RYR2: variants seen among roughly 807,000 people sequenced by gnomAD.
The protein encoded by RYR2 is ryanodine receptor 2.
RYR2 carries 227 observed loss-of-function variants against 601.1 expected under a neutral mutation model. The observed-to-expected ratio is 0.38, with a 90% CI of 0.34 to 0.42. The LOEUF (loss-of-function observed/expected upper bound fraction) is 0.42, where lower values mean the gene tolerates loss of function less well. Among genes scored for constraint, RYR2 ranks in the 10% least tolerant of loss-of-function variants. The pLI, the probability that RYR2 is intolerant of heterozygous loss-of-function variation, is 1.00. For synonymous variants in RYR2, 2,223 were observed against 2,175.1 expected (o/e 1.02, Z -0.61); for missense variants, 4,646 against 6,156.5 (o/e 0.75, Z 8.21).
chr1:237,152,932 A>G (rs1212428517), intron 1 of RYR2, among the ~76,000 whole-genome samples: 1 of 152,174 alleles, frequency 6.6e-6, no homozygotes, highest in Non-Finnish European at 1.5e-5. Flanking sequence ...AATATCCAGA[A>G]TTTACAAGGG....
At chr1:237,118,583 A>AT (rs1670401277) in intron 1 of RYR2, among the ~76,000 whole-genome samples, 1 of 151,750 alleles carries the variant, frequency 6.6e-6, no homozygotes, top group Admixed American at 6.6e-5. Flanking sequence ...ATAGGGAGTT[A>AT]TTGTTTGTTT....
chr1:237,348,616 G>A (rs528575191), intron 3 of RYR2, among the ~76,000 whole-genome samples: 44 of 152,258 alleles, frequency 2.9e-4, no homozygotes, highest in African/African-American at 9.1e-4. Context: ...GCTGCCAGCC[G>A]TAGGTACATC....
chr1:237,133,534 T>C (rs1558294813), intron 1 of RYR2, among the ~76,000 whole-genome samples: 3 of 152,166 alleles, frequency 2.0e-5, no homozygotes, highest in African/African-American at 7.2e-5. Flanking sequence ...AATGTCTTTA[T>C]TGTAATTTAT....
chr1:237,546,994 T>TTTATTC (rs1669888105), intron 25 of RYR2, among the ~76,000 whole-genome samples: 1 of 103,852 alleles, frequency 9.6e-6, no homozygotes, highest in African/African-American at 3.4e-5. Context: ...TATATATATA[T>TTTATTC]ATTTATTTAT....
intron 6 of RYR2, among the ~76,000 whole-genome samples, chr1:237,369,829 T>G (rs751109742): frequency 1.9e-4 from 29 of 152,144 alleles, no homozygotes; most frequent in Admixed American, 5.2e-4. Context: ...ATGATTACCA[T>G]CTTCAGTATC....
chr1:237,657,739 A>G (rs1473009212), intron 53 of RYR2, among the ~76,000 whole-genome samples: 1 of 151,918 alleles, frequency 6.6e-6, no homozygotes, highest in Admixed American at 6.6e-5. Flanking sequence ...ATGAATCAAT[A>G]TAAGATGAGC....
At chr1:237,618,038 T>C (rs1678666370) in intron 38 of RYR2, among the ~76,000 whole-genome samples, 2 of 152,012 alleles carry the variant, frequency 1.3e-5, no homozygotes, top group Non-Finnish European at 1.5e-5. Context: ...TACCTCAGAG[T>C]GGGCCTCAGA....
chr1:237,279,057 A>G (rs761035148), intron 2 of RYR2, among the ~76,000 whole-genome samples: 3 of 152,210 alleles, frequency 2.0e-5, no homozygotes, highest in Non-Finnish European at 4.4e-5. Context: ...AATAAATGCT[A>G]TATGTTTTTT....
intron 55 of RYR2, 78 bp from the exon 56 acceptor site, chr1:237,660,732 A>G (rs1683702263): frequency 3.8e-6 from 5 of 1,319,350 alleles, no homozygotes; most frequent in Non-Finnish European, 5.1e-6. Flanking sequence ...AAGGCAGTCT[A>G]TTTTAGAGCA....
At chr1:237,552,539 C>A (rs1000491560) in intron 27 of RYR2, among the ~76,000 whole-genome samples, 2 of 151,958 alleles carry the variant, frequency 1.3e-5, no homozygotes, top group African/African-American at 2.4e-5. Flanking sequence ...GTGTTCCCAA[C>A]AAAGTAACCA....
intron 60 of RYR2, among the ~76,000 whole-genome samples, chr1:237,676,390 A>G (rs903548606): frequency 6.6e-6 from 1 of 152,166 alleles, no homozygotes; most frequent in Non-Finnish European, 1.5e-5. Flanking sequence ...TCCAGGGTAC[A>G]TCTACCCACT....
chr1:237,713,644 G>A (rs889719256), intron 71 of RYR2, among the ~76,000 whole-genome samples: 1 of 152,050 alleles, frequency 6.6e-6, no homozygotes, highest in African/African-American at 2.4e-5. Context: ...TGATCTGACG[G>A]CCTCGGCCTC....
intron 62 of RYR2, among the ~76,000 whole-genome samples, chr1:237,685,461 G>A (rs1002946625): frequency 6.6e-6 from 1 of 152,114 alleles, no homozygotes; most frequent in Non-Finnish European, 1.5e-5. Flanking sequence ...TGCCATTATA[G>A]CAAAACATCC....
chr1:237,366,711 GT>G (rs1558692895), intron 5 of RYR2, among the ~76,000 whole-genome samples: 2 of 146,414 alleles, frequency 1.4e-5, no homozygotes, highest in South Asian at 2.2e-4. Context: ...CACACACACT[GT>G]ATATATATAT....
chr1:237,565,179 CTTT>C lies in RYR2; in HGVS notation c.3215-1387_3215-1385del, dbSNP rs1671897164. Among the ~76,000 whole-genome samples the C allele has an allele frequency of 7.5e-4, 90 of 120,302 alleles. 2 individuals are homozygous for C. Among genetic ancestry groups the C allele is most frequent in the East Asian group, 6.9e-3 (28 of 4,072 alleles). The allele number at this position is 120,302 out of a possible 152,430, so 78.9% of individuals were successfully genotyped here. ...TTTCTCTTTCTTTCTTTCTTTCTTT[CTTT>C]CTTTCTTTCTTTCTTTCTTTCTTTC... On this transcript the variant is annotated intron_variant, in intron 27 of 104. Transcript: ENST00000366574.
At chr1:237,562,847 TTGTC>T (rs1671591611) in intron 27 of RYR2, among the ~76,000 whole-genome samples, 1 of 152,174 alleles carries the variant, frequency 6.6e-6, no homozygotes. Context: ...CATTAGCTAT[TTGTC>T]TGGGCTGCTA....
intron 16 of RYR2, among the ~76,000 whole-genome samples, chr1:237,460,045 C>G (rs1399849794): frequency 6.6e-6 from 1 of 152,156 alleles, no homozygotes; most frequent in Non-Finnish European, 1.5e-5. Flanking sequence ...GGGTTTGACA[C>G]AATGGCTCCA....
At chr1:237,061,005 A>G (rs888339975) in intron 1 of RYR2, among the ~76,000 whole-genome samples, 3 of 152,210 alleles carry the variant, frequency 2.0e-5, no homozygotes, top group African/African-American at 7.2e-5. Flanking sequence ...CATTTCCACT[A>G]GCAGTACTTA....
rs1695396981 is a variant in RYR2 at position 237,784,587 on chromosome 1, T to C, written c.12875T>C (p.Met4292Thr). The C allele has an allele frequency of 1.2e-6, 2 of 1,614,004 alleles. No homozygotes were observed. Among genetic ancestry groups the C allele is most frequent in the East Asian group, 4.5e-5 (2 of 44,858 alleles). The change falls in exon 90 of 105, where the codon ATG becomes ACG. Residue 4292 changes from methionine (M) to threonine (T), a missense_variant. This residue lies in a region of RYR2 where 364 missense variants were observed against 442.9 expected (regional missense o/e 0.82). Coordinates refer to ENST00000366574, the MANE Select transcript of RYR2 (RefSeq NM_001035.3). The surrounding 1 kb of genome is among the most constrained non-coding windows in gnomAD (Gnocchi z 7.1). Reference sequence around the variant, plus strand: ...TTTTCATCCTACTGGAGTATTTTCATGACCCTCTTGCACTTCGTGGCCAGC... The same window carrying C: ...TTTTCATCCTACTGGAGTATTTTCACGACCCTCTTGCACTTCGTGGCCAGC... ...AFFSSYWSIF[M>T]TLLHFVASVF...
Sources: gnomAD v4.1 joint callset for allele counts (sites outside exome capture counted in the v4.1 genomes callset) on GRCh38, gnomAD v4.1.1 for gene constraint, gnomAD v4.1.1 regional missense constraint, Gnocchi (gnomAD v3.1) non-coding constraint, MANE v1.5 for transcripts, NCBI Gene and HGNC (gene_info 2026-07-23, HGNC 2026-07-21) for gene names.